Variants in KIF15 observed in about 807,000 individuals in gnomAD.
KIF15 encodes the protein kinesin-like protein KIF15.
KIF15 carries 140 observed loss-of-function variants against 190.6 expected under a neutral mutation model. The observed-to-expected ratio is 0.73, with a 90% CI of 0.64 to 0.84. KIF15 has a LOEUF of 0.84. Among genes scored for constraint, KIF15 ranks in the 40% least tolerant of loss-of-function variants. The pLI is 0.00. For missense variants in KIF15, 1,372 were observed against 1,584.4 expected, an observed-to-expected ratio of 0.87 and a Z score of 2.28; for synonymous variants, 528 against 551.3, an observed-to-expected ratio of 0.96 and a Z score of 0.59.
chr3:44,852,038 G>A, intron 33 of KIF15, 86 bp downstream of exon 33: 1 of 1,484,430 alleles, frequency 6.7e-7, no homozygotes, highest in Non-Finnish European at 9.1e-7. Context: ...TTGTGATTGG[G>A]TGTCCTTAGT....
At chr3:44,846,634 A>G (rs116481377) in intron 30 of KIF15, among the ~76,000 whole-genome samples, 2,831 of 152,012 alleles carry the variant, frequency 0.019, 76 homozygotes, top group African/African-American at 0.064. Flanking sequence ...ATGAGTCAGG[A>G]GTGGTGGCAC....
At chr3:44,829,139 C>T (rs1219277171) in intron 24 of KIF15, among the ~76,000 whole-genome samples, 1 of 151,718 alleles carries the variant, frequency 6.6e-6, no homozygotes, top group African/African-American at 2.4e-5. Flanking sequence ...GGGTGGATCA[C>T]GAGGTCAGAA....
chr3:44,801,303 A>T (rs1707267769), intron 11 of KIF15, 147 bp from the exon 12 acceptor site: 2 of 471,444 alleles, frequency 4.2e-6, no homozygotes, highest in South Asian at 5.9e-5. Context: ...AAGTGCTGGG[A>T]TTACAGGCAT....
At chr3:44,785,620 T>C (rs953994160) in intron 6 of KIF15, among the ~76,000 whole-genome samples, 8 of 152,198 alleles carry the variant, frequency 5.3e-5, no homozygotes, top group African/African-American at 1.9e-4. Flanking sequence ...TTTGCAGAAA[T>C]CACCTAACAC....
At chr3:44,843,381 C>T in intron 30 of KIF15, 147 bp downstream of exon 30, 1 of 601,880 alleles carries the variant, frequency 1.7e-6, no homozygotes, top group Non-Finnish European at 2.9e-6. Flanking sequence ...GATTTTGAAT[C>T]AAGTCTGATC....
rs896126076 is a variant in KIF15, at chr3:44,863,962, C to T, written c.*60-9367C>T. On this transcript the variant is annotated intron_variant and NMD_transcript_variant, in intron 6 of 6. Transcript: ENST00000422209. ...TTGCTTCTTCCCAAGATCATATGGCCAGCAAGGTGGCCAAATGAGTATCTT... is the reference window on the plus strand; with the variant it reads ...TTGCTTCTTCCCAAGATCATATGGCTAGCAAGGTGGCCAAATGAGTATCTT... 2.4e-4 allele frequency: 128 copies of T among 535,170 alleles called. No individual in the cohort carries two copies. The Middle Eastern group carries it at 2.9e-3, about 12-fold the overall frequency. 33.2% of individuals were successfully genotyped at this position (535,170 alleles called of 1,614,324 possible). A position where few individuals can be genotyped will look rare whatever the true frequency, so the allele number is the denominator to read the frequency against.
chr3:44,848,426 AAGG>A (rs1462931722), intron 31 of KIF15, 92 bp from the exon 32 acceptor site: 1 of 629,346 alleles, frequency 1.6e-6, no homozygotes, highest in African/African-American at 1.9e-5. Flanking sequence ...TATTCACATG[AAGG>A]AGAATGGGCT....
intron 26 of KIF15, among the ~76,000 whole-genome samples, chr3:44,835,033 A>G (rs1437694704): frequency 6.6e-6 from 1 of 150,886 alleles, no homozygotes; most frequent in Non-Finnish European, 1.5e-5. Flanking sequence ...TAAAAACATA[A>G]CAGGAGCTTT....
chr3:44,810,816 A>C, intron 16 of KIF15, 30 bp from the exon 17 acceptor site: 1 of 1,540,490 alleles, frequency 6.5e-7, no homozygotes, highest in Non-Finnish European at 8.9e-7. Context: ...AATATGTGCT[A>C]ATGTTTTCCA....
intron 4 of KIF15, among the ~76,000 whole-genome samples, chr3:44,779,788 C>T (rs915625023): frequency 2.0e-4 from 28 of 137,662 alleles, no homozygotes; most frequent in African/African-American, 6.8e-4. Flanking sequence ...GAGCCGAGAT[C>T]GTGCCACTGC....
At chr3:44,842,031 T>A (rs77955256) in intron 29 of KIF15, among the ~76,000 whole-genome samples, 14,421 of 152,242 alleles carry the variant, frequency 0.095, 752 homozygotes, top group Non-Finnish European at 0.11. Context: ...GAATTTCGGA[T>A]CTTTGTCCGT....
chr3:44,840,280 A>G, intron 27 of KIF15, 75 bp from the exon 28 acceptor site: 1 of 792,118 alleles, frequency 1.3e-6, no homozygotes, highest in Non-Finnish European at 2.1e-6. Flanking sequence ...TGGTGATGGG[A>G]AGTTTGTCTT....
In KIF15 at chr3:44,805,851, G is replaced by A. The variant is rs1707472454; in HGVS notation, c.1836G>A (p.Arg612=). Residue 612 remains arginine, a synonymous_variant, in exon 16 of 35, where the codon AGG becomes AGA. Transcript: ENST00000326047. ...GTTTTACAATATCTATTAGGAAAAGGCAGCTAGAATTGGAATCAGAGCTTC... is the reference window on the plus strand; with the variant it reads ...GTTTTACAATATCTATTAGGAAAAGACAGCTAGAATTGGAATCAGAGCTTC... The part of the protein sequence containing the change: ...YEEFKELTRK[R]QLELESELQS... 1.9e-6 allele frequency: 3 copies of A among 1,612,500 alleles called. No homozygotes were observed. Among genetic ancestry groups the A allele is most frequent in the South Asian group, 1.1e-5 (1 of 90,706 alleles).
At chr3:44,762,452 G>GGA (rs2125884953) in intron 1 of KIF15, among the ~76,000 whole-genome samples, 2 of 152,294 alleles carry the variant, frequency 1.3e-5, no homozygotes, top group Admixed American at 1.3e-4. Context: ...TTTTCACGGA[G>GGA]GAGAGCACTG....
chr3:44,836,954 G>A (rs1354399743), intron 26 of KIF15, among the ~76,000 whole-genome samples: 1 of 152,114 alleles, frequency 6.6e-6, no homozygotes. Context: ...ACAGGTGAGG[G>A]GCCTGGCATC....
At chr3:44,819,859 A>G (rs1426187462) in intron 20 of KIF15, among the ~76,000 whole-genome samples, 1 of 152,162 alleles carries the variant, frequency 6.6e-6, no homozygotes, top group Non-Finnish European at 1.5e-5. Context: ...AAAGTCTCCC[A>G]TTATTATTGT....
chr3:44,858,650 T>C (rs1432223162), intron 6 of KIF15, among the ~76,000 whole-genome samples: 1 of 152,138 alleles, frequency 6.6e-6, no homozygotes. Context: ...TATTTCAGCC[T>C]AATAAGGGAA....
intron 30 of KIF15, among the ~76,000 whole-genome samples, chr3:44,843,500 A>G (rs948100700): frequency 6.6e-6 from 1 of 152,236 alleles, no homozygotes; most frequent in Non-Finnish European, 1.5e-5. Flanking sequence ...AATTACTTAT[A>G]TTTAAAAAAA....
rs764952740 is a variant in KIF15, at chr3:44,843,257, C to G, written c.3695+23C>G. On this transcript the variant is annotated intron_variant, in intron 30 of 34. Coordinates refer to ENST00000326047, the MANE Select transcript of KIF15 (RefSeq NM_020242.3). ...CAGGTGAGAAAGAACCACGAGAACTCTATGGGCTAAATCTTGGCCTGCCTG... is the reference window on the plus strand; with the variant it reads ...CAGGTGAGAAAGAACCACGAGAACTGTATGGGCTAAATCTTGGCCTGCCTG... 2.7e-6 allele frequency: 4 copies of G among 1,506,426 alleles called. No homozygotes were observed. The African/African-American group carries it at 5.5e-5, about 21-fold the overall frequency. The allele number at this position is 1,506,426 out of a possible 1,614,324, so 93.3% of individuals were successfully genotyped here.
Sources: allele counts gnomAD v4.1 joint callset (sites outside exome capture counted in the v4.1 genomes callset), GRCh38; gene constraint gnomAD v4.1.1; transcripts MANE v1.5; gene names NCBI Gene and HGNC (gene_info 2026-07-23, HGNC 2026-07-21).